Variants in CYBC1 observed in about 807,000 individuals in gnomAD.
CYBC1 encodes the protein cytochrome b-245 chaperone 1.
Under a neutral mutation model 21.7 loss-of-function variants are expected in CYBC1, and 22 were observed. The ratio of observed to expected loss-of-function variants is 1.02; its 90% confidence interval spans 0.73 to 1.45. CYBC1 has a LOEUF of 1.45. CYBC1 is among the 40% of genes most tolerant of loss of function. CYBC1 has a pLI of 0.00. For missense variants in CYBC1, 237 were observed against 242.1 expected, an observed-to-expected ratio of 0.98 and a Z score of 0.14; for synonymous variants, 112 against 98.7, an observed-to-expected ratio of 1.13 and a Z score of -0.80.
At chr17:82,444,204 C>T (rs2054132166) in intron 6 of CYBC1, 80 bp from the exon 7 acceptor site, 6 of 1,552,738 alleles carry the variant, frequency 3.9e-6, no homozygotes, top group South Asian at 1.2e-5. Context: ...GTCTCCTCCT[C>T]GACCACCTAC....
At position 82,446,640 on chromosome 17, in the gene CYBC1, T is replaced by G. The variant is rs148042402; in HGVS notation, c.184A>C (p.Asn62His). 5.0e-6 allele frequency: 8 copies of G among 1,614,080 alleles called. No homozygotes were observed. In the South Asian group the frequency reaches 8.8e-5, roughly 18 times the overall value. Residue 62 changes from asparagine (N) to histidine (H), a missense_variant, in exon 4 of 7, where the codon AAC becomes CAC. Coordinates refer to ENST00000306645, the MANE Select transcript of CYBC1 (RefSeq NM_001033046.4). The stretch of plus-strand genomic sequence containing the variant: ...GGCCTTACCTCCCAGTCCTCCAAGT[T>G]CTGCACAGCCACAAACAGGCAGCCT... ...VTGCLFVAVQ[N>H]LEDWEEAIFD...
chr17:82,444,453 T>A lies in CYBC1; in HGVS notation c.437A>T (p.His146Leu). Residue 146 changes from histidine to leucine, a missense_variant, in exon 6 of 7, where the codon CAC (histidine) becomes CTC (leucine). Transcript: ENST00000306645. ...HPLTQSAVMGHRSDVEAIAKL... is the reference protein window; with the variant it reads ...HPLTQSAVMGLRSDVEAIAKL... ...CAAAGTCCCACAGCCTTACCTGCGG[T>A]GGCCCATGACTGCACTCTGCGTGAG... 6.2e-7 allele frequency: 1 copy of A among 1,606,784 alleles called. No individual in the cohort carries two copies. Among genetic ancestry groups the A allele is most frequent in the Non-Finnish European group, 8.5e-7 (1 of 1,174,634 alleles).
chr17:82,449,436 C>T, intron 1 of CYBC1, 144 bp from the exon 2 acceptor site: 1 of 466,560 alleles, frequency 2.1e-6, no homozygotes, highest in South Asian at 4.3e-5. Context: ...CTCACCTGGT[C>T]TCTGTGGTTG....
rs762957472 is a variant in CYBC1, at chr17:82,444,014, C to G, written c.554G>C (p.Ser185Thr). The change falls in exon 7 of 7, where the codon AGC (serine) becomes ACC (threonine). Residue 185 changes from serine (S) to threonine (T), a missense_variant. Ser to Thr is a moderately conservative substitution (Grantham distance 58, BLOSUM62 1). Coordinates refer to ENST00000306645, the MANE Select transcript of CYBC1 (RefSeq NM_001033046.4). ...SSDSEAGDPA[S>T]QS Reference sequence around the variant, plus strand: ...GGCACAGTGGGGCTGTCAGCTCTGGCTTGCAGGGTCACCGGCCTCACTGTC... The same window carrying G: ...GGCACAGTGGGGCTGTCAGCTCTGGGTTGCAGGGTCACCGGCCTCACTGTC... 7.4e-6 allele frequency: 12 copies of G among 1,612,646 alleles called. No individual in the cohort carries two copies. In the African/African-American group the frequency reaches 1.5e-4, roughly 20 times the overall value.
chr17:82,443,705 C>A lies in CYBC1; in HGVS notation c.*299G>T. On this transcript the variant is annotated 3_prime_UTR_variant, in exon 7 of 7. Coordinates refer to ENST00000306645, the MANE Select transcript of CYBC1 (RefSeq NM_001033046.4). This position sits in a 1 kb window ranked among gnomAD's most constrained non-coding sequence, Gnocchi z 6.7. ...CTGGCCTGCTGTTTCATGCAGTGTG[C>A]AAGCAGCAGCATGAGCAGGCAATAG... 1.3e-6 allele frequency: 1 copy of A among 774,732 alleles called. No homozygotes were observed. Among genetic ancestry groups the A allele is most frequent in the Non-Finnish European group, 2.3e-6 (1 of 426,710 alleles). 48.0% of individuals were successfully genotyped at this position (774,732 alleles called of 1,614,324 possible). A position where few individuals can be genotyped will look rare whatever the true frequency, so the allele number is the denominator to read the frequency against.
intron 5 of CYBC1, chr17:82,444,874 C>A: frequency 2.3e-6 from 1 of 436,234 alleles, no homozygotes. Flanking sequence ...CCGCTCAGCG[C>A]GAGGCCATCT....
chr17:82,448,129 C>A (rs2054418947), intron 2 of CYBC1: 1 of 225,128 alleles, frequency 4.4e-6, no homozygotes, highest in Non-Finnish European at 8.8e-6. Context: ...AAAGGTGGGC[C>A]CCAGCTGCTG....
At chr17:82,444,285 GT>G in intron 6 of CYBC1, 161 bp from the exon 7 acceptor site, 1 of 1,423,286 alleles carries the variant, frequency 7.0e-7, no homozygotes, top group Non-Finnish European at 9.4e-7. Flanking sequence ...CCCCGTCACA[GT>G]GGGGCTGCCC....
At chr17:82,447,331 T>A in intron 3 of CYBC1, 2 of 533,440 alleles carry the variant, frequency 3.7e-6, no homozygotes, top group Non-Finnish European at 6.7e-6. Flanking sequence ...CCAGCCTGGG[T>A]GACAGAGCGA....
At chr17:82,446,514 G>A (rs764829663) in intron 4 of CYBC1, 109 bp downstream of exon 4, 200 of 996,496 alleles carry the variant, frequency 2.0e-4, no homozygotes, top group Admixed American at 6.0e-4. Flanking sequence ...GCTTCAGGAC[G>A]GGGAGGCGCT....
At chr17:82,445,700 GGGATCCT>G in intron 5 of CYBC1, 157 bp downstream of exon 5, 1 of 577,064 alleles carries the variant, frequency 1.7e-6, no homozygotes, top group Admixed American at 3.1e-5. Context: ...GCGTATCCGT[GGGATCCT>G]GCTTCCAGCG....
intron 4 of CYBC1, among the ~76,000 whole-genome samples, 174 bp downstream of exon 4, chr17:82,446,449 A>G (rs1182287451): frequency 3.3e-5 from 5 of 152,248 alleles, no homozygotes; most frequent in Non-Finnish European, 7.3e-5. Flanking sequence ...GAACGGTCCC[A>G]GATGAGTGCA....
Position 82,443,427 on chromosome 17 carries a change from A to C in CYBC1, c.*577T>G. ...CAGTGTGGCTGCAGCGTGCACAGCC[A>C]GGTAGGCCCTGGATGTTCACCCCTC... is the stretch of plus-strand genomic sequence containing the variant. On this transcript the variant is annotated 3_prime_UTR_variant, in exon 7 of 7. Transcript: ENST00000306645. The surrounding 1 kb of genome is among the most constrained non-coding windows in gnomAD (Gnocchi z 6.7). 1 of 600,050 alleles carries C rather than the reference A, an allele frequency of 1.7e-6. No individual in the cohort carries two copies. The highest frequency in any genetic ancestry group is 3.1e-5 in the East Asian group (1 of 31,956). The allele number at this position is 600,050 out of a possible 1,614,324, so 37.2% of individuals were successfully genotyped here.
At chr17:82,447,210 G>A (rs987831381) in intron 3 of CYBC1, 34 of 338,874 alleles carry the variant, frequency 1.0e-4, no homozygotes, top group East Asian at 8.1e-4. Context: ...AAAATTAGCC[G>A]GGCGTAGTGG....
rs1480691598 is a variant in CYBC1, at chr17:82,444,087, G to A, written c.481C>T (p.Leu161=). The change falls in exon 7 of 7, where the codon CTG becomes TTG. Residue 161 remains leucine (L), a synonymous_variant. Transcript: ENST00000306645. ...EAIAKLITSF[L]ELHCLESPTE... ...GGGCTCTCAAGGCAGTGCAGCTCCA[G>A]GAAGCTGGTGATGAGCTTGGCGATG... 1 of 1,613,264 alleles carries A rather than the reference G, an allele frequency of 6.2e-7. No individual in the cohort carries two copies. Among genetic ancestry groups the A allele is most frequent in the Non-Finnish European group, 8.5e-7 (1 of 1,179,632 alleles).
chr17:82,445,514 G>A (rs565733207), intron 5 of CYBC1: 203 of 193,298 alleles, frequency 1.1e-3, no homozygotes, highest in African/African-American at 4.3e-3. Context: ...GCAGACGGGA[G>A]AATGCAGCTA....
chr17:82,447,979 G>A (rs2054408449), intron 2 of CYBC1: 1 of 381,090 alleles, frequency 2.6e-6, no homozygotes, highest in Non-Finnish European at 4.8e-6. Context: ...GTATTTACTA[G>A]ACACATCTGC....
chr17:82,443,831 G>A lies in CYBC1; in HGVS notation c.*173C>T, dbSNP rs550777335. ...GGAATGTGCCACGGGTCCTGTGGGC[G>A]GTGCACGGGCTCAGGCACACCGGGA... On this transcript the variant is annotated 3_prime_UTR_variant, in exon 7 of 7. Transcript: ENST00000306645. This position sits in a 1 kb window ranked among gnomAD's most constrained non-coding sequence, Gnocchi z 6.7. 45 of 620,084 alleles carry A rather than the reference G, an allele frequency of 7.3e-5. No individual in the cohort carries two copies. Among genetic ancestry groups the A allele is most frequent in the Middle Eastern group, 4.3e-4 (1 of 2,316 alleles). 38.4% of individuals were successfully genotyped at this position (620,084 alleles called of 1,614,324 possible).
intron 2 of CYBC1, chr17:82,448,291 G>C (rs916359698): frequency 1.8e-5 from 3 of 165,230 alleles, no homozygotes; most frequent in African/African-American, 7.3e-5. Flanking sequence ...CCAGGGAGGA[G>C]GAGACATGGG....
Sources: allele counts gnomAD v4.1 joint callset (sites outside exome capture counted in the v4.1 genomes callset), GRCh38; gene constraint gnomAD v4.1.1; non-coding constraint Gnocchi (gnomAD v3.1); transcripts MANE v1.5; gene names NCBI Gene and HGNC (gene_info 2026-07-23, HGNC 2026-07-21).